Variants in PHF14 observed in about 807,000 individuals in gnomAD.
The protein encoded by PHF14 is PHD finger protein 14.
PHF14 carries 55 observed loss-of-function variants against 117.9 expected under a neutral mutation model. The ratio of observed to expected loss-of-function variants is 0.47; its 90% CI spans 0.38 to 0.58. The LOEUF (loss-of-function observed/expected upper bound fraction) is 0.58. Among genes scored for constraint, PHF14 ranks in the 20% least tolerant of loss-of-function variants. PHF14 has a pLI of 0.00. For missense variants in PHF14, 978 were observed against 1,122.2 expected, an observed-to-expected ratio of 0.87 and a Z score of 1.84; for synonymous variants, 409 against 368.6, an observed-to-expected ratio of 1.11 and a Z score of -1.26.
At chr7:11,100,237 G>A (rs976852147) in intron 16 of PHF14, among the ~76,000 whole-genome samples, 2 of 151,930 alleles carry the variant, frequency 1.3e-5, no homozygotes, top group Non-Finnish European at 2.9e-5. Context: ...TTTGAAAATA[G>A]GACTGGACAC....
At chr7:11,135,499 A>G (rs1244985260) in intron 17 of PHF14, among the ~76,000 whole-genome samples, 1 of 152,134 alleles carries the variant, frequency 6.6e-6, no homozygotes, top group Non-Finnish European at 1.5e-5. Flanking sequence ...AATTATTTTG[A>G]TACTATGCTG....
At chr7:10,974,705 C>T (rs1781802801) in intron 1 of PHF14, 130 bp from the exon 2 acceptor site, 4 of 623,058 alleles carry the variant, frequency 6.4e-6, no homozygotes, top group South Asian at 4.0e-5. Flanking sequence ...TTCTCCTGAC[C>T]CCTTTTGCTG....
intron 2 of PHF14, among the ~76,000 whole-genome samples, chr7:10,978,887 G>A (rs895780629): frequency 2.6e-5 from 4 of 152,188 alleles, no homozygotes; most frequent in African/African-American, 9.7e-5. Context: ...ATCGGAAGTG[G>A]AGGATGAGTT....
chr7:10,994,402 G>C (rs551751579), intron 4 of PHF14, among the ~76,000 whole-genome samples: 37 of 152,322 alleles, frequency 2.4e-4, no homozygotes, highest in African/African-American at 8.7e-4. Flanking sequence ...TCGAGCCACT[G>C]CACTCCAGTC....
rs900452501 is a variant in PHF14 at position 11,028,940 on chromosome 7, G to A, written c.1455+122G>A. ...CATTTATTCTTAAAGTTCTTGCCAAGATCACTGTTCTAAAACTTTAAGAGT... is the reference window on the plus strand; with the variant it reads ...CATTTATTCTTAAAGTTCTTGCCAAAATCACTGTTCTAAAACTTTAAGAGT... On this transcript the variant is annotated intron_variant, in intron 7 of 17. Transcript: ENST00000634607. The A allele has an allele frequency of 9.8e-6, 8 of 813,426 alleles. No individual in the cohort carries two copies. In the South Asian group the frequency reaches 1.6e-4, roughly 16 times the overall value. The allele number at this position is 813,426 out of a possible 1,614,324, so 50.4% of individuals were successfully genotyped here.
In PHF14 at chr7:11,040,682, T is replaced by C; in HGVS notation, c.2087T>C (p.Ile696Thr). The change falls in exon 12 of 18, where the codon ATA becomes ACA. Residue 696 changes from isoleucine (I) to threonine (T), a missense_variant. By Grantham distance (89) the Ile-to-Thr change is moderately conservative. Transcript: ENST00000634607. ...TGTTCAAATCAATAGAAGTTGAATA[T>C]ACCGGCAATTTTGCGAGCACCCAAG... ...LGRITGQKLNIPAILRAPKER... is the reference protein window; with the variant it reads ...LGRITGQKLNTPAILRAPKER... 6.5e-7 allele frequency: 1 copy of C among 1,545,350 alleles called. No individual in the cohort carries two copies. The highest frequency in any genetic ancestry group is 8.8e-7 in the Non-Finnish European group (1 of 1,141,058).
rs1186998508 is a variant in PHF14 at position 11,027,412 on chromosome 7, A to G, written c.1318-1269A>G. Among the ~76,000 whole-genome samples the G allele has an allele frequency of 3.3e-5, 5 of 152,106 alleles. No individual in the cohort carries two copies. The East Asian group carries it at 9.6e-4, about 29-fold the overall frequency. ...AGTTCACTTTGAATACTTATATTAA[A>G]CAATTCTTTAATTGTCCATTGTCAG... On this transcript the variant is annotated intron_variant, in intron 6 of 17. Transcript: ENST00000634607.
In PHF14 at chr7:10,983,268, G is replaced by A. The variant is rs1168362595; in HGVS notation, c.900+109G>A. 15 of 1,261,626 alleles carry A rather than the reference G, an allele frequency of 1.2e-5. No homozygotes were observed. In the East Asian group the frequency reaches 2.4e-4, roughly 20 times the overall value. The allele number at this position is 1,261,626 out of a possible 1,614,324, so 78.2% of individuals were successfully genotyped here. ...CTTCCTTGAAATCCTATTTATAGAC[G>A]GCTGTGGGATGAATGAGCACCCTAA... On this transcript the variant is annotated intron_variant, in intron 3 of 17. Coordinates refer to ENST00000634607, the MANE Select transcript of PHF14 (RefSeq NM_001007157.2).
At chr7:11,015,832 T>G (rs1394914166) in intron 5 of PHF14, among the ~76,000 whole-genome samples, 8 of 151,922 alleles carry the variant, frequency 5.3e-5, no homozygotes, top group African/African-American at 1.9e-4. Context: ...TTTTTTTTTT[T>G]TTTTTTTGGT....
At chr7:11,001,605 ATAT>A (rs2128313171) in intron 4 of PHF14, among the ~76,000 whole-genome samples, 1 of 37,320 alleles carries the variant, frequency 2.7e-5, no homozygotes, top group South Asian at 6.7e-4. Context: ...GATCTTGGCA[ATAT>A]TATTTTATTT....
intron 4 of PHF14, among the ~76,000 whole-genome samples, chr7:10,995,447 G>T (rs1045864722): frequency 1.3e-5 from 2 of 152,310 alleles, no homozygotes; most frequent in African/African-American, 2.4e-5. Flanking sequence ...AGACATAAAG[G>T]TTCTCCAAGT....
chr7:11,165,898 TCA>T (rs772985426), intron 17 of PHF14, among the ~76,000 whole-genome samples: 5 of 152,184 alleles, frequency 3.3e-5, no homozygotes, highest in African/African-American at 4.8e-5. Flanking sequence ...TTAGAATAAC[TCA>T]GTCTCATATT....
intron 3 of PHF14, 122 bp from the exon 4 acceptor site, chr7:10,990,581 A>C: frequency 6.6e-6 from 4 of 602,890 alleles, no homozygotes; most frequent in Non-Finnish European, 1.1e-5. Context: ...AAAAGAATGG[A>C]AAATGGGGCA....
At chr7:10,995,506 C>A (rs1175333381) in intron 4 of PHF14, among the ~76,000 whole-genome samples, 1 of 152,226 alleles carries the variant, frequency 6.6e-6, no homozygotes, top group Admixed American at 6.5e-5. Context: ...GGATCCCGCA[C>A]CAGGGCCACA....
chr7:11,036,669 T>C lies in PHF14; in HGVS notation c.1854T>C (p.Asp618=), dbSNP rs756273594. 1 of 1,613,758 alleles carries C rather than the reference T, an allele frequency of 6.2e-7. No individual in the cohort carries two copies. Among genetic ancestry groups the C allele is most frequent in the South Asian group, 1.1e-5 (1 of 91,064 alleles). The change falls in exon 9 of 18, where the codon GAT becomes GAC. Residue 618 remains aspartate (D), a synonymous_variant. Transcript: ENST00000634607. The part of the protein sequence containing the change: ...RKHKQPALTA[D]FVNYYFERNM... ...ATAAGCAACCAGCTCTCACTGCAGA[T>C]TTTGTGAATTATTATTTTGGTCAGT...
intron 16 of PHF14, among the ~76,000 whole-genome samples, chr7:11,098,219 G>T (rs1197026436): frequency 6.6e-6 from 1 of 152,130 alleles, no homozygotes; most frequent in Non-Finnish European, 1.5e-5. Flanking sequence ...CTTTAGCCAT[G>T]TATATAATTT....
chr7:11,021,404 G>T (rs1417657131), intron 5 of PHF14, among the ~76,000 whole-genome samples: 3 of 152,126 alleles, frequency 2.0e-5, no homozygotes, highest in Non-Finnish European at 4.4e-5. Flanking sequence ...GACCATAGTT[G>T]TCTCGGCCAT....
rs1022802811 is a variant in PHF14, at chr7:11,165,457, A to T, written c.2773-3959A>T. Reference sequence around the variant, plus strand: ...TCTCCATTATAAAGGTACTTACATCAACATCTATAAAGATATAAAGAATAG... The same window carrying T: ...TCTCCATTATAAAGGTACTTACATCTACATCTATAAAGATATAAAGAATAG... On this transcript the variant is annotated intron_variant, in intron 17 of 17. Transcript: ENST00000634607. Among the ~76,000 whole-genome samples the T allele has an allele frequency of 3.9e-5, 6 of 152,322 alleles. No homozygotes were observed. The South Asian group carries it at 1.2e-3, about 32-fold the overall frequency.
chr7:11,165,464 A>G (rs567801826), intron 17 of PHF14, among the ~76,000 whole-genome samples: 3 of 152,306 alleles, frequency 2.0e-5, no homozygotes, highest in South Asian at 2.1e-4. Context: ...ATCAACATCT[A>G]TAAAGATATA....
Sources: gnomAD v4.1 joint callset for allele counts (sites outside exome capture counted in the v4.1 genomes callset) on GRCh38, gnomAD v4.1.1 for gene constraint, MANE v1.5 for transcripts, NCBI Gene and HGNC (gene_info 2026-07-23, HGNC 2026-07-21) for gene names.